The following SLC4A4 variants were observed in gnomAD, a reference collection of about 807,000 sequenced individuals.
SLC4A4 encodes solute carrier family 4 member 4.
Under a neutral mutation model 111.5 loss-of-function variants are expected in SLC4A4, and 27 were observed. The observed-to-expected ratio is 0.24, with a 90% CI of 0.18 to 0.33. The LOEUF (loss-of-function observed/expected upper bound fraction) is 0.33, where lower values mean the gene tolerates loss of function less well. SLC4A4 is among the 10% of genes least tolerant of loss of function. The pLI is 1.00. For missense variants in SLC4A4, 909 were observed against 1,315.5 expected, an observed-to-expected ratio of 0.69 and a Z score of 4.78; for synonymous variants, 443 against 463.4, an observed-to-expected ratio of 0.96 and a Z score of 0.57.
intron 3 of SLC4A4, among the ~76,000 whole-genome samples, chr4:71,309,327 C>T (rs886721883): frequency 2.6e-5 from 4 of 152,134 alleles, no homozygotes; most frequent in East Asian, 1.9e-4. Context: ...TCTGAAGAGA[C>T]CAGTGGATCC....
chr4:71,138,897 G>T (rs962041215), intron 2 of SLC4A4, among the ~76,000 whole-genome samples: 20 of 152,108 alleles, frequency 1.3e-4, no homozygotes, highest in Non-Finnish European at 2.9e-4. Flanking sequence ...TTAGCCAGGC[G>T]TGGTGGTGGG....
intron 3 of SLC4A4, among the ~76,000 whole-genome samples, chr4:71,281,417 C>T (rs1723504634): frequency 6.6e-6 from 1 of 152,184 alleles, no homozygotes; most frequent in Admixed American, 6.5e-5. Context: ...TCTAATGCCA[C>T]ATGTGCATTA....
intron 7 of SLC4A4, among the ~76,000 whole-genome samples, chr4:71,412,310 G>A (rs990316780): frequency 6.6e-6 from 1 of 152,200 alleles, no homozygotes; most frequent in Non-Finnish European, 1.5e-5. Flanking sequence ...TAACAGTGTA[G>A]TGAGATGCCT....
chr4:71,124,291 C>G (rs1004588064), intron 2 of SLC4A4, among the ~76,000 whole-genome samples: 1 of 151,914 alleles, frequency 6.6e-6, no homozygotes. Flanking sequence ...CCTGCCTCAG[C>G]CTTCTGAACA....
intron 7 of SLC4A4, among the ~76,000 whole-genome samples, chr4:71,407,464 C>A (rs1720968456): frequency 6.6e-6 from 1 of 152,188 alleles, no homozygotes; most frequent in African/African-American, 2.4e-5. Context: ...CAGTGAAGTG[C>A]AGCTGGGGTT....
rs961387998 is a variant in SLC4A4, at chr4:71,557,971, ATGTGT to A, written c.2937+90_2937+94del. On this transcript the variant is annotated intron_variant, in intron 22 of 25. Coordinates refer to ENST00000264485, the MANE Select transcript of SLC4A4 (RefSeq NM_001098484.3). Reference sequence around the variant, plus strand: ...TATATGGAAGACACACATGTCTTTTATGTGTTGTTCCAAATTTTTCCAGCTTTGAC... The same window carrying A: ...TATATGGAAGACACACATGTCTTTTATGTTCCAAATTTTTCCAGCTTTGAC... 1.8e-5 allele frequency: 23 copies of A among 1,256,156 alleles called. No individual in the cohort carries two copies. In the Admixed American group the frequency reaches 2.9e-4, roughly 16 times the overall value. 77.8% of individuals were successfully genotyped at this position (1,256,156 alleles called of 1,614,324 possible). A position where few individuals can be genotyped will look rare whatever the true frequency, so the allele number is the denominator to read the frequency against.
chr4:71,247,508 G>A (rs1319955545), intron 2 of SLC4A4, among the ~76,000 whole-genome samples: 1 of 152,100 alleles, frequency 6.6e-6, no homozygotes, highest in Non-Finnish European at 1.5e-5. Flanking sequence ...CCATAATAGA[G>A]TCAGAGATGG....
intron 15 of SLC4A4, 65 bp from the exon 16 acceptor site, chr4:71,497,436 G>GTATAATTCCTATAGCA: frequency 7.6e-7 from 1 of 1,324,426 alleles, no homozygotes; most frequent in East Asian, 2.4e-5. Context: ...AGCTCATCAA[G>GTATAATTCCTATAGCA]TATCAAAGGC....
intron 8 of SLC4A4, among the ~76,000 whole-genome samples, chr4:71,443,083 A>ACT (rs1180993467): frequency 0.051 from 1,578 of 31,178 alleles, 95 homozygotes; most frequent in South Asian, 0.076. Context: ...AGAGGCCACT[A>ACT]CTCTCTCTCT....
intron 7 of SLC4A4, among the ~76,000 whole-genome samples, chr4:71,406,919 T>C (rs763573605): frequency 1.1e-4 from 17 of 152,148 alleles, no homozygotes; most frequent in Non-Finnish European, 2.5e-4. Flanking sequence ...CTAGCATAGA[T>C]TGGACATCTA....
chr4:71,557,502 C>T (rs909855220), intron 21 of SLC4A4, among the ~76,000 whole-genome samples: 2 of 151,898 alleles, frequency 1.3e-5, no homozygotes, highest in Non-Finnish European at 2.9e-5. Flanking sequence ...TATACATCTA[C>T]ATAACATTCC....
At position 71,181,636 on chromosome 4, in the gene SLC4A4, A is replaced by G. The variant is rs529614251; in HGVS notation, c.-1-54940A>G. Among the ~76,000 whole-genome samples, 7 of 152,328 alleles carry G rather than the reference A, an allele frequency of 4.6e-5. 1 individual carries two copies. Among genetic ancestry groups the G allele is most frequent in the African/African-American group, 1.7e-4 (7 of 41,560 alleles). On this transcript the variant is annotated intron_variant, in intron 2 of 26. Coordinates refer to the SLC4A4 transcript ENST00000649996. ...CTTCTCTATTTTTAATGTTCCAAAA[A>G]AGAAGGAATGCCATCAATCATTCTA... is the stretch of plus-strand genomic sequence containing the variant.
At chr4:71,300,626 G>A in intron 3 of SLC4A4, 2 of 351,468 alleles carry the variant, frequency 5.7e-6, no homozygotes, top group South Asian at 3.0e-5. Flanking sequence ...AGCTCTGTAT[G>A]CAGTGACGAC....
chr4:71,519,736 G>A (rs1732758736), intron 16 of SLC4A4, among the ~76,000 whole-genome samples: 1 of 152,156 alleles, frequency 6.6e-6, no homozygotes, highest in Non-Finnish European at 1.5e-5. Flanking sequence ...CTGGGTTCAA[G>A]CAATTCTCCT....
chr4:71,469,099 T>C (rs576619913), intron 13 of SLC4A4, among the ~76,000 whole-genome samples: 1 of 152,182 alleles, frequency 6.6e-6, no homozygotes, highest in East Asian at 1.9e-4. Context: ...CAAAGATACT[T>C]GTAGTTTTAT....
intron 1 of SLC4A4, among the ~76,000 whole-genome samples, chr4:71,068,285 G>A (rs567440313): frequency 2.0e-5 from 3 of 151,640 alleles, no homozygotes; most frequent in South Asian, 2.1e-4. Flanking sequence ...GGCTGGTCTC[G>A]AACTCCTGAC....
At chr4:71,091,695 C>T (rs750666204) in intron 1 of SLC4A4, among the ~76,000 whole-genome samples, 1 of 152,112 alleles carries the variant, frequency 6.6e-6, no homozygotes, top group Admixed American at 6.6e-5. Context: ...AATTTAACTT[C>T]TTTCACAGGG....
chr4:71,262,873 T>G (rs529855180), intron 3 of SLC4A4, among the ~76,000 whole-genome samples: 50 of 152,288 alleles, frequency 3.3e-4, no homozygotes, highest in African/African-American at 5.3e-4. Flanking sequence ...TTCTTTTTTT[T>G]TTGTTATACT....
Position 71,128,000 on chromosome 4 carries a change from C to T in SLC4A4, c.-2+35208C>T, listed in dbSNP as rs561716387. 1.6e-4 allele frequency among the ~76,000 whole-genome samples: 25 copies of T among 152,286 alleles called. No homozygotes were observed. The South Asian group carries it at 1.9e-3, about 11-fold the overall frequency. On this transcript the variant is annotated intron_variant, in intron 2 of 26. Coordinates refer to the SLC4A4 transcript ENST00000649996. ...CTACTTGAGGCTGATGTGGGAAGAT[C>T]GCTTGAGCGTGGGAGGCAGAGGTTG...
Sources: allele counts gnomAD v4.1 joint callset (sites outside exome capture counted in the v4.1 genomes callset), GRCh38; gene constraint gnomAD v4.1.1; transcripts MANE v1.5; gene names NCBI Gene and HGNC (gene_info 2026-07-23, HGNC 2026-07-21).